The following PLEKHG4B variants were observed in gnomAD, a reference collection of about 807,000 sequenced individuals.
PLEKHG4B encodes pleckstrin homology and RhoGEF domain containing G4B.
In PLEKHG4B, 111 loss-of-function variants were observed where a neutral mutation model predicts 121.3. The ratio of observed to expected loss-of-function variants is 0.92; its 90% CI spans 0.78 to 1.07. The LOEUF is 1.07. Among genes scored for constraint, PLEKHG4B ranks in the 50% least tolerant of loss-of-function variants. PLEKHG4B has a pLI of 0.00. For missense variants in PLEKHG4B, 1,831 were observed against 1,757.8 expected, an observed-to-expected ratio of 1.04 and a Z score of -0.74; for synonymous variants, 738 against 725.0, an observed-to-expected ratio of 1.02 and a Z score of -0.29.
intron 18 of PLEKHG4B, among the ~76,000 whole-genome samples, chr5:180,300 G>A (rs1056653255): frequency 2.6e-5 from 4 of 152,148 alleles, no homozygotes; most frequent in South Asian, 2.1e-4. Flanking sequence ...TCCAGCTTCC[G>A]TTTGTCCCAC....
intron 18 of PLEKHG4B, among the ~76,000 whole-genome samples, chr5:180,700 C>T (rs1038542764): frequency 3.9e-5 from 6 of 152,228 alleles, no homozygotes; most frequent in Non-Finnish European, 7.3e-5. Flanking sequence ...CCCGCGTCCA[C>T]GTGCACAGCT....
In PLEKHG4B at chr5:184,498, T is replaced by G. The variant is rs1463647153; in HGVS notation, c.*2175T>G. 6.6e-6 allele frequency: 1 copy of G among 152,200 alleles called. No individual in the cohort carries two copies. Among genetic ancestry groups the G allele is most frequent in the Non-Finnish European group, 1.5e-5 (1 of 68,038 alleles). The allele number at this position is 152,200 out of a possible 1,614,324, so 9.4% of individuals were successfully genotyped here. On this transcript the variant is annotated 3_prime_UTR_variant, in exon 20 of 20. Transcript: ENST00000637938. ...AAATCTTTCCGAAGCGATGGTGACA[T>G]AAAGACATTTTCATACACACAGAAA...
Position 137,921 on chromosome 5 carries a change from C to A in PLEKHG4B, c.244-1562C>A, listed in dbSNP as rs1382704148. 1.3e-5 allele frequency among the ~76,000 whole-genome samples: 2 copies of A among 152,246 alleles called. No homozygotes were observed. Among genetic ancestry groups the A allele is most frequent in the Non-Finnish European group, 2.9e-5 (2 of 68,034 alleles). On this transcript the variant is annotated intron_variant, in intron 2 of 19. Transcript: ENST00000637938. This position sits in a 1 kb window ranked among gnomAD's most constrained non-coding sequence, Gnocchi z 4.2. ...ACCAGGCATCCAGCCCAGGACACAG[C>A]TCCTCAGGCCGCCTCGCAGCGTCTG... is the stretch of plus-strand genomic sequence containing the variant.
chr5:124,758 T>G (rs948384022), intron 2 of PLEKHG4B, among the ~76,000 whole-genome samples: 2 of 152,216 alleles, frequency 1.3e-5, no homozygotes, highest in Non-Finnish European at 2.9e-5. Flanking sequence ...GTCTTTTCAG[T>G]TTGGATCTGT....
chr5:129,404 G>A (rs1447279759), intron 2 of PLEKHG4B, among the ~76,000 whole-genome samples: 1 of 152,158 alleles, frequency 6.6e-6, no homozygotes, highest in Non-Finnish European at 1.5e-5. Flanking sequence ...AAAATTCTGA[G>A]TCCATCACCC....
intron 2 of PLEKHG4B, among the ~76,000 whole-genome samples, chr5:122,904 C>T (rs952668341): frequency 3.3e-5 from 5 of 152,078 alleles, no homozygotes; most frequent in African/African-American, 4.8e-5. Context: ...CAACACAGTA[C>T]CTAATAATAG....
intron 1 of PLEKHG4B, among the ~76,000 whole-genome samples, chr5:109,025 C>T (rs927856103): frequency 6.6e-6 from 1 of 152,172 alleles, no homozygotes; most frequent in Non-Finnish European, 1.5e-5. Flanking sequence ...CTTTCTCATT[C>T]ACCACCCTGC....
chr5:171,504 G>GA (rs748937831), intron 16 of PLEKHG4B, 60 bp downstream of exon 16: 1 of 1,438,748 alleles, frequency 7.0e-7, no homozygotes, highest in Non-Finnish European at 9.4e-7. Context: ...CTGCTGGTGA[G>GA]AAAGTCTTGG....
In PLEKHG4B at chr5:182,460, C is replaced by A; in HGVS notation, c.*137C>A. 1.3e-6 allele frequency: 1 copy of A among 782,150 alleles called. No homozygotes were observed. 48.5% of individuals were successfully genotyped at this position (782,150 alleles called of 1,614,324 possible). A position where few individuals can be genotyped will look rare whatever the true frequency, so the allele number is the denominator to read the frequency against. ...CCAGAGGGAATAGCACAGCAGGTGT[C>A]CAGGTATTTCCCAGGATTTTAGACA... is the stretch of plus-strand genomic sequence containing the variant. On this transcript the variant is annotated 3_prime_UTR_variant, in exon 20 of 20. Transcript: ENST00000637938.
rs568109142 is a variant in PLEKHG4B at position 161,930 on chromosome 5, G to A, written c.2635G>A (p.Glu879Lys). ...GCTGGCCAGGTGGACCCGCTCGTCC[G>A]AGTTGTGCGAGACGGTAAGAGACCC... is the stretch of plus-strand genomic sequence containing the variant. ...GELARWTRSS[E>K]LCETVSSWMG... The change falls in exon 12 of 20, where the codon GAG becomes AAG. Residue 879 changes from glutamate (E) to lysine (K), a missense_variant. Transcript: ENST00000637938. The A allele has an allele frequency of 3.0e-5, 48 of 1,611,698 alleles. No homozygotes were observed. The East Asian group carries it at 3.6e-4, about 12-fold the overall frequency.
chr5:154,162 T>G (rs923178199), intron 7 of PLEKHG4B, among the ~76,000 whole-genome samples: 2 of 152,046 alleles, frequency 1.3e-5, no homozygotes, highest in African/African-American at 4.8e-5. Context: ...CACACCACCA[T>G]GCCCAGCTAA....
At chr5:95,476 C>T (rs150492854) in intron 1 of PLEKHG4B, among the ~76,000 whole-genome samples, 6 of 152,292 alleles carry the variant, frequency 3.9e-5, no homozygotes, top group African/African-American at 1.4e-4. Context: ...TTCGCCATGC[C>T]CTGTCTCTTG....
At position 113,167 on chromosome 5, in the gene PLEKHG4B, T is replaced by C. The variant is rs1347131792; in HGVS notation, c.46-84T>C. ...ACAGGACAAGGGACTTCCGTGTGGA[T>C]CCTTCAGTGCCAGCCTTGGACTGTG... On this transcript the variant is annotated intron_variant, in intron 1 of 19. Coordinates refer to ENST00000637938, the MANE Select transcript of PLEKHG4B (RefSeq NM_052909.5). This position sits in a 1 kb window ranked among gnomAD's most constrained non-coding sequence, Gnocchi z 5.2. 2 of 398,302 alleles carry C rather than the reference T, an allele frequency of 5.0e-6. No individual in the cohort carries two copies. The highest frequency in any genetic ancestry group is 8.8e-6 in the Non-Finnish European group (2 of 226,050). 24.7% of individuals were successfully genotyped at this position (398,302 alleles called of 1,614,324 possible).
chr5:164,057 C>T (rs181618500), intron 13 of PLEKHG4B, among the ~76,000 whole-genome samples: 7 of 152,358 alleles, frequency 4.6e-5, no homozygotes, highest in South Asian at 2.1e-4. Context: ...GGCCGGATGC[C>T]GTCTGAACCT....
intron 3 of PLEKHG4B, among the ~76,000 whole-genome samples, chr5:142,445 TCA>T (rs1735240771): frequency 6.6e-6 from 1 of 150,618 alleles, no homozygotes; most frequent in African/African-American, 2.5e-5. Flanking sequence ...CAGTCACCAG[TCA>T]CATGCTTCAC....
chr5:140,231 G>T lies in PLEKHG4B; in HGVS notation c.992G>T (p.Gly331Val). ...GCCCTCACCTTCCACACAGACCTGGGCATCCCGAGCAGCAGGAGGCGGCCG... is the reference window on the plus strand; with the variant it reads ...GCCCTCACCTTCCACACAGACCTGGTCATCCCGAGCAGCAGGAGGCGGCCG... ...PKALTFHTDL[G>V]IPSSRRRPPG... Residue 331 changes from glycine to valine, a missense_variant, in exon 3 of 20, where the codon GGC (glycine) becomes GTC (valine). By Grantham distance (109) the Gly-to-Val change is moderately radical. Coordinates refer to ENST00000637938, the MANE Select transcript of PLEKHG4B (RefSeq NM_052909.5). 1 of 1,414,444 alleles carries T rather than the reference G, an allele frequency of 7.1e-7. No individual in the cohort carries two copies. The highest frequency in any genetic ancestry group is 9.4e-7 in the Non-Finnish European group (1 of 1,066,642). 87.6% of individuals were successfully genotyped at this position (1,414,444 alleles called of 1,614,324 possible). A position where few individuals can be genotyped will look rare whatever the true frequency, so the allele number is the denominator to read the frequency against.
Position 182,344 on chromosome 5 carries a change from C to T in PLEKHG4B, c.*21C>T. The T allele has an allele frequency of 6.4e-7, 1 of 1,567,254 alleles. No individual in the cohort carries two copies. Among genetic ancestry groups the T allele is most frequent in the Non-Finnish European group, 8.6e-7 (1 of 1,158,978 alleles). On this transcript the variant is annotated 3_prime_UTR_variant, in exon 20 of 20. Transcript: ENST00000637938. ...CCTGATGACTGTCAGGGTGGCAGTGCCCATCATGTGGCTAGAACAATACAG... is the reference window on the plus strand; with the variant it reads ...CCTGATGACTGTCAGGGTGGCAGTGTCCATCATGTGGCTAGAACAATACAG...
rs947539907 is a variant in PLEKHG4B at position 137,250 on chromosome 5, T to C, written c.244-2233T>C. On this transcript the variant is annotated intron_variant, in intron 2 of 19. Coordinates refer to ENST00000637938, the MANE Select transcript of PLEKHG4B (RefSeq NM_052909.5). This position sits in a 1 kb window ranked among gnomAD's most constrained non-coding sequence, Gnocchi z 4.2. ...AAGTGGAATGGTGGGTGCCAGGGGC[T>C]CAGGGGCAGGGGAATGGTGAGCTGG... Among the ~76,000 whole-genome samples, 1 of 152,158 alleles carries C rather than the reference T, an allele frequency of 6.6e-6. No individual in the cohort carries two copies. The highest frequency in any genetic ancestry group is 2.4e-5 in the African/African-American group (1 of 41,448).
At chr5:173,618 A>T (rs1305416447) in intron 17 of PLEKHG4B, among the ~76,000 whole-genome samples, 1 of 147,256 alleles carries the variant, frequency 6.8e-6, no homozygotes, top group Non-Finnish European at 1.5e-5. Flanking sequence ...TCACACACCC[A>T]TGAGCAGCAT....
Sources: gnomAD v4.1 joint callset for allele counts (sites outside exome capture counted in the v4.1 genomes callset) on GRCh38, gnomAD v4.1.1 for gene constraint, Gnocchi (gnomAD v3.1) non-coding constraint, MANE v1.5 for transcripts, NCBI Gene and HGNC (gene_info 2026-07-23, HGNC 2026-07-21) for gene names.